Variants in SENP7 observed in about 807,000 individuals in gnomAD.
SENP7 encodes the protein SUMO specific peptidase 7.
SENP7 carries 64 observed loss-of-function variants against 141.2 expected under a neutral mutation model. The ratio of observed to expected loss-of-function variants is 0.45; its 90% confidence interval spans 0.37 to 0.56. The LOEUF (loss-of-function observed/expected upper bound fraction) is 0.56, where lower values mean the gene tolerates loss of function less well. SENP7 is among the 20% of genes least tolerant of loss of function. SENP7 has a pLI of 0.00. For missense variants in SENP7, 1,025 were observed against 1,212.2 expected (o/e 0.85, Z 2.29); for synonymous variants, 382 against 426.4 (o/e 0.90, Z 1.28).
intron 11 of SENP7, among the ~76,000 whole-genome samples, 149 bp downstream of exon 11, chr3:101,361,550 AAGACACATTTCAAATT>A (rs1194557826): frequency 1.3e-5 from 2 of 152,124 alleles, no homozygotes; most frequent in African/African-American, 4.8e-5. Flanking sequence ...GGGAGAATGA[AAGACACATTTCAAATT>A]AGGTATAATG....
At chr3:101,375,343 G>A (rs1168806146) in intron 6 of SENP7, among the ~76,000 whole-genome samples, 1 of 151,886 alleles carries the variant, frequency 6.6e-6, no homozygotes, top group African/African-American at 2.4e-5. Flanking sequence ...GAGAGTTCAA[G>A]ACCAGCCTTT....
chr3:101,343,660 G>T, intron 14 of SENP7, 26 bp downstream of exon 14: 1 of 1,576,978 alleles, frequency 6.3e-7, no homozygotes, highest in Non-Finnish European at 8.6e-7. Context: ...CCCCTTCTCT[G>T]CCAATTATAT....
intron 4 of SENP7, among the ~76,000 whole-genome samples, chr3:101,448,059 AG>A (rs1164535067): frequency 1.3e-5 from 2 of 152,226 alleles, no homozygotes; most frequent in South Asian, 2.1e-4. Context: ...AATATTAATT[AG>A]GGTACCTATT....
chr3:101,326,140 A>T lies in SENP7; in HGVS notation c.3016-60T>A, dbSNP rs2058892584. ...GCAGCATAATTTCAAATTTGTTTTA[A>T]TTTCATTTTTATAAGAAATGACAAA... On this transcript the variant is annotated intron_variant, in intron 23 of 23. Coordinates refer to ENST00000394095, the MANE Select transcript of SENP7 (RefSeq NM_020654.5). 4.4e-6 allele frequency: 6 copies of T among 1,363,900 alleles called. No individual in the cohort carries two copies. The Admixed American group carries it at 8.7e-5, about 20-fold the overall frequency. 84.5% of individuals were successfully genotyped at this position (1,363,900 alleles called of 1,614,324 possible).
chr3:101,466,190 G>T (rs994907412), intron 3 of SENP7, among the ~76,000 whole-genome samples: 1 of 151,874 alleles, frequency 6.6e-6, no homozygotes, highest in African/African-American at 2.4e-5. Flanking sequence ...AAGAGAAATG[G>T]AAGAAAACAT....
chr3:101,494,837 A>C (rs2065101856), intron 2 of SENP7, among the ~76,000 whole-genome samples: 1 of 152,202 alleles, frequency 6.6e-6, no homozygotes, highest in Non-Finnish European at 1.5e-5. Flanking sequence ...AAAACTATAA[A>C]AACCCTACAA....
intron 4 of SENP7, chr3:101,457,819 G>A: frequency 1.7e-6 from 1 of 581,810 alleles, no homozygotes; most frequent in South Asian, 2.1e-5. Flanking sequence ...GCGCACACAT[G>A]CGGAGATGCA....
chr3:101,325,863 G>T lies in SENP7; in HGVS notation c.*80C>A. On this transcript the variant is annotated 3_prime_UTR_variant, in exon 24 of 24. Transcript: ENST00000394095. ...ACTACTGCAAGTTATTTTCTTCTCT[G>T]TGAGCTGGCTAACACAAATGCTGGT... The T allele has an allele frequency of 7.6e-7, 1 of 1,311,416 alleles. No individual in the cohort carries two copies. The highest frequency in any genetic ancestry group is 1.7e-5 in the South Asian group (1 of 57,276). The allele number at this position is 1,311,416 out of a possible 1,614,324, so 81.2% of individuals were successfully genotyped here.
At chr3:101,487,250 A>G (rs999309501) in intron 3 of SENP7, among the ~76,000 whole-genome samples, 10 of 152,206 alleles carry the variant, frequency 6.6e-5, no homozygotes, top group African/African-American at 2.4e-4. Flanking sequence ...GATTTAAACC[A>G]TACCTTAAAA....
In SENP7 at chr3:101,459,167, G is replaced by A. The variant is rs539750836; in HGVS notation, c.187-115C>T. 29 of 527,704 alleles carry A rather than the reference G, an allele frequency of 5.5e-5. No homozygotes were observed. The African/African-American group carries it at 5.6e-4, about 10-fold the overall frequency. 32.7% of individuals were successfully genotyped at this position (527,704 alleles called of 1,614,324 possible). The stretch of plus-strand genomic sequence containing the variant: ...TAAACGATCAAATACATAGTTCACA[G>A]AGAAAAATAATAAGTGCAATCTATG... On this transcript the variant is annotated intron_variant, in intron 3 of 23. Coordinates refer to ENST00000394095, the MANE Select transcript of SENP7 (RefSeq NM_020654.5).
chr3:101,402,001 C>CAA (rs35310049), intron 5 of SENP7, among the ~76,000 whole-genome samples: 29 of 108,782 alleles, frequency 2.7e-4, no homozygotes, highest in African/African-American at 5.9e-4. Context: ...GACCCTGCCT[C>CAA]AAAAAAAAAA....
rs141360328 is a variant in SENP7 at position 101,389,836 on chromosome 3, CA to C, written c.677+9024del. On this transcript the variant is annotated intron_variant, in intron 6 of 23. Transcript: ENST00000394095. ...GTGGAAGAAAGAAAAAAAGGATATACAAAACACCCAGAAAACAATTTACAAA... is the reference window on the plus strand; with the variant it reads ...GTGGAAGAAAGAAAAAAAGGATATACAAACACCCAGAAAACAATTTACAAA... Among the ~76,000 whole-genome samples the C allele has an allele frequency of 5.5e-3, 842 of 152,190 alleles. 10 individuals are homozygous for C. The highest frequency in any genetic ancestry group is 0.02 in the African/African-American group (816 of 41,532).
intron 3 of SENP7, among the ~76,000 whole-genome samples, chr3:101,479,907 A>AG (rs2064384329): frequency 7.7e-6 from 1 of 130,238 alleles, no homozygotes; most frequent in Non-Finnish European, 1.7e-5. Flanking sequence ...AAAAAAAAAA[A>AG]AAAAAAAAAA....
At chr3:101,394,658 T>C (rs1394428325) in intron 6 of SENP7, among the ~76,000 whole-genome samples, 1 of 152,066 alleles carries the variant, frequency 6.6e-6, no homozygotes, top group South Asian at 2.1e-4. Flanking sequence ...GACTTCTTTT[T>C]AAAATTTGTT....
chr3:101,409,727 A>G (rs2061401653), intron 5 of SENP7, among the ~76,000 whole-genome samples: 1 of 152,236 alleles, frequency 6.6e-6, no homozygotes, highest in African/African-American at 2.4e-5. Flanking sequence ...ATAATTGGCT[A>G]GCCACATGTA....
At chr3:101,449,356 A>G (rs2063027850) in intron 4 of SENP7, among the ~76,000 whole-genome samples, 1 of 152,216 alleles carries the variant, frequency 6.6e-6, no homozygotes, top group Admixed American at 6.5e-5. Context: ...ATTCAAATTC[A>G]GGAAATACAG....
At chr3:101,393,389 G>A (rs2060870785) in intron 6 of SENP7, among the ~76,000 whole-genome samples, 1 of 152,190 alleles carries the variant, frequency 6.6e-6, no homozygotes, top group Admixed American at 6.5e-5. Flanking sequence ...ATCATTTTCA[G>A]AGTGGAGAGA....
intron 4 of SENP7, among the ~76,000 whole-genome samples, chr3:101,418,683 CA>C (rs11401206): frequency 1.4e-4 from 20 of 146,030 alleles, no homozygotes; most frequent in Admixed American, 4.1e-4. Flanking sequence ...CGGGAACTCT[CA>C]AAAAAAAAAA....
At chr3:101,486,358 A>G (rs1366346551) in intron 3 of SENP7, among the ~76,000 whole-genome samples, 2 of 152,220 alleles carry the variant, frequency 1.3e-5, no homozygotes, top group Non-Finnish European at 2.9e-5. Context: ...GCTGTGAGAC[A>G]GAAGCACCAG....
Sources: gnomAD v4.1 joint callset for allele counts (sites outside exome capture counted in the v4.1 genomes callset) on GRCh38, gnomAD v4.1.1 for gene constraint, MANE v1.5 for transcripts, NCBI Gene and HGNC (gene_info 2026-07-23, HGNC 2026-07-21) for gene names.